The following NTRK3 variants were observed in gnomAD, a reference collection of about 807,000 sequenced individuals.
NTRK3 encodes neurotrophic receptor tyrosine kinase 3.
A neutral mutation model predicts 91.7 loss-of-function variants in NTRK3; 24 were observed. That is an observed-to-expected ratio of 0.26 (90% CI 0.19 to 0.37). The LOEUF (loss-of-function observed/expected upper bound fraction) is 0.37, where lower values mean the gene tolerates loss of function less well. NTRK3 is among the 10% of genes least tolerant of loss of function. The probability of loss-of-function intolerance (pLI) is 1.00; values close to 1 mark genes in which losing one functional copy is unlikely to be tolerated. For synonymous variants in NTRK3, 483 were observed against 404.0 expected, an observed-to-expected ratio of 1.20 and a Z score of -2.34; for missense variants, 880 against 1,068.9, an observed-to-expected ratio of 0.82 and a Z score of 2.46.
At chr15:88,223,684 T>A (rs908271473) in intron 3 of NTRK3, among the ~76,000 whole-genome samples, 1 of 152,138 alleles carries the variant, frequency 6.6e-6, no homozygotes, top group Non-Finnish European at 1.5e-5. Context: ...TCCTTATATA[T>A]GTAATGGGCA....
intron 5 of NTRK3, among the ~76,000 whole-genome samples, chr15:88,173,197 C>G (rs2045683324): frequency 6.6e-6 from 1 of 152,130 alleles, no homozygotes; most frequent in Admixed American, 6.5e-5. Context: ...CCAGGCACAC[C>G]TACAGAAATA....
chr15:88,178,417 C>T (rs2046187248), intron 5 of NTRK3, among the ~76,000 whole-genome samples: 1 of 152,208 alleles, frequency 6.6e-6, no homozygotes, highest in East Asian at 1.9e-4. Flanking sequence ...ATCCGCACAG[C>T]ATCACTGACT....
At chr15:88,025,264 G>C (rs1401785372) in intron 14 of NTRK3, among the ~76,000 whole-genome samples, 1 of 152,240 alleles carries the variant, frequency 6.6e-6, no homozygotes, top group Non-Finnish European at 1.5e-5. Context: ...CACGTGTCTA[G>C]ATATTTATGC....
chr15:88,158,775 C>T (rs545717166), intron 5 of NTRK3, among the ~76,000 whole-genome samples: 9 of 152,224 alleles, frequency 5.9e-5, no homozygotes, highest in Non-Finnish European at 7.4e-5. Context: ...GATCCACCAC[C>T]CGGGGAGGTG....
chr15:88,221,419 TG>T lies in NTRK3; in HGVS notation c.248+34486del, dbSNP rs1309814686. On this transcript the variant is annotated intron_variant, in intron 3 of 18. Transcript: ENST00000394480. Reference sequence around the variant, plus strand: ...AGAAAAATAACAGCAATTTTAACCATGTTACCAAAGTAAATAGCTAGTGAAT... The same window carrying T: ...AGAAAAATAACAGCAATTTTAACCATTTACCAAAGTAAATAGCTAGTGAAT... Among the ~76,000 whole-genome samples the T allele has an allele frequency of 6.6e-5, 10 of 152,328 alleles. No homozygotes were observed. In the East Asian group the frequency reaches 1.9e-3, roughly 29 times the overall value.
At chr15:87,885,831 A>G (rs1481870787) in intron 17 of NTRK3, 96 bp from the exon 18 acceptor site, 4 of 454,824 alleles carry the variant, frequency 8.8e-6, no homozygotes, top group Non-Finnish European at 1.5e-5. Flanking sequence ...AATAAGACAC[A>G]TGTTCAAGAA....
intron 5 of NTRK3, among the ~76,000 whole-genome samples, chr15:88,168,955 AG>A (rs2045254407): frequency 6.6e-6 from 1 of 152,242 alleles, no homozygotes. Flanking sequence ...GAAACCTGAA[AG>A]AGGAATAGAC....
At chr15:87,948,400 A>C (rs12437787) in intron 14 of NTRK3, among the ~76,000 whole-genome samples, 3 of 152,088 alleles carry the variant, frequency 2.0e-5, no homozygotes, top group African/African-American at 7.2e-5. Context: ...AAAAATTAGT[A>C]ATCAAGGCCA....
intron 3 of NTRK3, among the ~76,000 whole-genome samples, chr15:88,209,809 G>T (rs2049089333): frequency 6.6e-6 from 1 of 152,194 alleles, no homozygotes; most frequent in African/African-American, 2.4e-5. Context: ...GCCAAACCCA[G>T]CCCCCAGCCA....
At chr15:88,135,141 G>A in exon 10 of NTRK3, 1 of 1,614,260 alleles carries the variant, frequency 6.2e-7, no homozygotes, top group Non-Finnish European at 8.5e-7. Flanking sequence ...TGATGGTCTG[G>A]TTGGCTGTGC....
intron 13 of NTRK3, among the ~76,000 whole-genome samples, chr15:88,103,112 T>A (rs569694694): frequency 2.0e-5 from 3 of 152,228 alleles, no homozygotes; most frequent in Non-Finnish European, 4.4e-5. Context: ...CAAGGATGGT[T>A]AGTTTTATGT....
At chr15:88,131,782 A>G (rs1458665039) in intron 10 of NTRK3, among the ~76,000 whole-genome samples, 1 of 152,230 alleles carries the variant, frequency 6.6e-6, no homozygotes, top group East Asian at 1.9e-4. Flanking sequence ...TTATACATCC[A>G]GAAAGCACAT....
chr15:88,049,834 A>T (rs2080634459), intron 13 of NTRK3, among the ~76,000 whole-genome samples: 1 of 152,242 alleles, frequency 6.6e-6, no homozygotes, highest in Non-Finnish European at 1.5e-5. Context: ...GTTTCTGCTA[A>T]TCGAAGATGG....
chr15:88,057,483 G>T (rs1375494808), intron 13 of NTRK3, among the ~76,000 whole-genome samples: 2 of 150,480 alleles, frequency 1.3e-5, no homozygotes, highest in Admixed American at 1.3e-4. Flanking sequence ...GGGAGACAGA[G>T]CGAGACTCCC....
At chr15:88,181,060 A>G (rs1003273810) in intron 5 of NTRK3, among the ~76,000 whole-genome samples, 4 of 152,068 alleles carry the variant, frequency 2.6e-5, no homozygotes, top group Non-Finnish European at 5.9e-5. Context: ...TTCTTGAACT[A>G]GGTTGAGCAC....
At chr15:88,023,340 CAAA>C (rs2077747474) in intron 14 of NTRK3, among the ~76,000 whole-genome samples, 1 of 152,076 alleles carries the variant, frequency 6.6e-6, no homozygotes, top group Non-Finnish European at 1.5e-5. Context: ...TTGGGCTTAC[CAAA>C]CCTAGCATCA....
chr15:88,016,166 T>C (rs973166662), intron 14 of NTRK3, among the ~76,000 whole-genome samples: 3 of 152,270 alleles, frequency 2.0e-5, no homozygotes, highest in East Asian at 1.9e-4. Flanking sequence ...TGGATTTTCC[T>C]CAAAATATTT....
At chr15:88,067,817 A>G (rs2046783300) in intron 13 of NTRK3, among the ~76,000 whole-genome samples, 1 of 152,226 alleles carries the variant, frequency 6.6e-6, no homozygotes, top group Non-Finnish European at 1.5e-5. Context: ...CTAAGTCACA[A>G]GATTGAGGTC....
At chr15:88,247,537 C>A (rs2052955251) in intron 3 of NTRK3, among the ~76,000 whole-genome samples, 1 of 152,200 alleles carries the variant, frequency 6.6e-6, no homozygotes, top group Non-Finnish European at 1.5e-5. Context: ...AAGGAAATAA[C>A]CAACGTGGTG....
Sources: gnomAD v4.1 joint callset for allele counts (sites outside exome capture counted in the v4.1 genomes callset) on GRCh38, gnomAD v4.1.1 for gene constraint, MANE v1.5 for transcripts, NCBI Gene and HGNC (gene_info 2026-07-23, HGNC 2026-07-21) for gene names.